Variants in AGAP1 observed in about 807,000 individuals in gnomAD.
The protein encoded by AGAP1 is ArfGAP with GTPase domain, ankyrin repeat and PH domain 1.
Under a neutral mutation model 105.3 loss-of-function variants are expected in AGAP1, and 29 were observed. That is an observed-to-expected ratio of 0.28 (90% CI 0.21 to 0.38). AGAP1 has a LOEUF of 0.38. Ranked by LOEUF, AGAP1 falls within the 10% of genes least tolerant of loss-of-function variation. AGAP1 has a pLI of 1.00. For synonymous variants in AGAP1, 509 were observed against 485.9 expected, an observed-to-expected ratio of 1.05 and a Z score of -0.63; for missense variants, 998 against 1,165.1, an observed-to-expected ratio of 0.86 and a Z score of 2.09.
intron 1 of AGAP1, among the ~76,000 whole-genome samples, chr2:235,511,892 G>GTGTGTGTGAA (rs1233851975): frequency 1.3e-5 from 2 of 151,578 alleles, no homozygotes; most frequent in Admixed American, 6.6e-5. Context: ...GTGTGTGAAT[G>GTGTGTGTGAA]TGAGTGTGAA....
chr2:235,950,782 C>G (rs959315019), intron 12 of AGAP1, among the ~76,000 whole-genome samples: 2 of 152,034 alleles, frequency 1.3e-5, no homozygotes, highest in Non-Finnish European at 2.9e-5. Context: ...GCAATTTTCC[C>G]TAAAGATCAA....
intron 11 of AGAP1, among the ~76,000 whole-genome samples, chr2:235,917,382 C>T (rs1346437543): frequency 6.6e-6 from 1 of 152,146 alleles, no homozygotes; most frequent in Non-Finnish European, 1.5e-5. Context: ...AAACTAATAG[C>T]ATGAATATTC....
At chr2:236,075,309 A>C (rs1427585930) in intron 16 of AGAP1, among the ~76,000 whole-genome samples, 8 of 152,146 alleles carry the variant, frequency 5.3e-5, no homozygotes, top group African/African-American at 1.4e-4. Flanking sequence ...ATTTTATGAT[A>C]TGTAAATTAT....
At chr2:235,806,538 T>C (rs12465465) in intron 8 of AGAP1, among the ~76,000 whole-genome samples, 35,849 of 151,954 alleles carry the variant, frequency 0.24, 5,140 homozygotes, top group Admixed American at 0.4. Context: ...CAGCCACTCG[T>C]CGTCCGCAGC....
chr2:235,748,774 G>A (rs1018700195), intron 5 of AGAP1, among the ~76,000 whole-genome samples: 1 of 152,218 alleles, frequency 6.6e-6, no homozygotes, highest in Non-Finnish European at 1.5e-5. Flanking sequence ...TGTCAAAGGT[G>A]GTCGCTCTGT....
At chr2:235,576,042 G>A (rs889230404) in intron 1 of AGAP1, among the ~76,000 whole-genome samples, 4 of 152,126 alleles carry the variant, frequency 2.6e-5, no homozygotes, top group African/African-American at 7.2e-5. Context: ...GTCACTGTCC[G>A]TGCACAGCCT....
At position 235,749,210 on chromosome 2, in the gene AGAP1, TA is replaced by T. The variant is rs1553621045; in HGVS notation, c.539-1135del. Reference sequence around the variant, plus strand: ...GCGACACAGTGAGACTCCATCTCATTAAAAAAAAAGAAAAAAAAAGCTGTCT... The same window carrying T: ...GCGACACAGTGAGACTCCATCTCATTAAAAAAAAGAAAAAAAAAGCTGTCT... On this transcript the variant is annotated intron_variant, in intron 5 of 17. Transcript: ENST00000304032. Among the ~76,000 whole-genome samples, 25 of 148,862 alleles carry T rather than the reference TA, an allele frequency of 1.7e-4. 1 individual carries two copies. The East Asian group carries it at 4.9e-3, about 29-fold the overall frequency.
intron 9 of AGAP1, among the ~76,000 whole-genome samples, chr2:235,831,558 G>A (rs529304333): frequency 6.6e-6 from 1 of 152,328 alleles, no homozygotes; most frequent in South Asian, 2.1e-4. Flanking sequence ...GAGTTGGAAT[G>A]ATAGAGGTGT....
chr2:236,075,109 C>T (rs1029465300), intron 16 of AGAP1, among the ~76,000 whole-genome samples: 1 of 152,030 alleles, frequency 6.6e-6, no homozygotes, highest in South Asian at 2.1e-4. Flanking sequence ...GTTTACATGG[C>T]GTCTCAGAAA....
At chr2:235,818,600 G>T (rs1367972205) in intron 9 of AGAP1, among the ~76,000 whole-genome samples, 1 of 152,168 alleles carries the variant, frequency 6.6e-6, no homozygotes, top group Non-Finnish European at 1.5e-5. Flanking sequence ...GGGCCACCAT[G>T]CCCAGCTACG....
chr2:235,506,165 A>G (rs1433875641), intron 1 of AGAP1, among the ~76,000 whole-genome samples: 1 of 152,062 alleles, frequency 6.6e-6, no homozygotes, highest in East Asian at 1.9e-4. Flanking sequence ...TCCTGACCTC[A>G]GGTGATCTAC....
At chr2:235,998,340 G>A (rs938317793) in intron 13 of AGAP1, among the ~76,000 whole-genome samples, 4 of 152,196 alleles carry the variant, frequency 2.6e-5, no homozygotes, top group Admixed American at 2.0e-4. Flanking sequence ...AAGGGCTAAA[G>A]ATGACCTGAG....
chr2:235,751,501 T>C lies in AGAP1; in HGVS notation c.673+1013T>C, dbSNP rs10186429. 0.022 allele frequency among the ~76,000 whole-genome samples: 3,342 copies of C among 152,234 alleles called. 105 individuals carry two copies. Among genetic ancestry groups the C allele is most frequent in the African/African-American group, 0.069 (2,884 of 41,532 alleles). On this transcript the variant is annotated intron_variant, in intron 6 of 17. Coordinates refer to ENST00000304032, the MANE Select transcript of AGAP1 (RefSeq NM_001037131.3). The surrounding 1 kb of genome is among the most constrained non-coding windows in gnomAD (Gnocchi z 5.3). ...ATGGAGGACTCGCCGCGCTCTGACC[T>C]TGAAGACCCACGGTGAAAGCAGTGG...
In AGAP1 at chr2:235,872,886, C is replaced by T. The variant is rs903662611; in HGVS notation, c.1051-10459C>T. Among the ~76,000 whole-genome samples the T allele has an allele frequency of 6.6e-6, 1 of 152,164 alleles. No individual in the cohort carries two copies. The highest frequency in any genetic ancestry group is 2.4e-5 in the African/African-American group (1 of 41,446). On this transcript the variant is annotated intron_variant, in intron 9 of 17. Coordinates refer to ENST00000304032, the MANE Select transcript of AGAP1 (RefSeq NM_001037131.3). The surrounding 1 kb of genome is among the most constrained non-coding windows in gnomAD (Gnocchi z 4.5). ...GGGAAGAGTGTGGACTAAGAAGGGG[C>T]TTGGCTTGTGTTGCCACATGTGAGA...
intron 1 of AGAP1, among the ~76,000 whole-genome samples, chr2:235,707,892 A>G (rs73124502): frequency 0.079 from 11,506 of 144,874 alleles, 1,415 homozygotes; most frequent in African/African-American, 0.27. Flanking sequence ...TGACCTGGTG[A>G]GATGCACTCC....
chr2:236,130,480 A>T lies in AGAP1; in HGVS notation c.*6358A>T, dbSNP rs2060068437. ...CCCCCTTAACACACCAGCTGTTGGGAACAGCTGCCCCTAAATCCAATTAAA... is the reference window on the plus strand; with the variant it reads ...CCCCCTTAACACACCAGCTGTTGGGTACAGCTGCCCCTAAATCCAATTAAA... On this transcript the variant is annotated 3_prime_UTR_variant, in exon 18 of 18. Coordinates refer to ENST00000304032, the MANE Select transcript of AGAP1 (RefSeq NM_001037131.3). The surrounding 1 kb of genome is among the most constrained non-coding windows in gnomAD (Gnocchi z 5.8). The T allele has an allele frequency of 1.3e-5, 2 of 152,180 alleles. No homozygotes were observed. The highest frequency in any genetic ancestry group is 4.1e-4 in the South Asian group (2 of 4,822). 9.4% of individuals were successfully genotyped at this position (152,180 alleles called of 1,614,324 possible).
At position 235,582,165 on chromosome 2, in the gene AGAP1, C is replaced by T. The variant is rs140467447; in HGVS notation, c.163+87316C>T. Among the ~76,000 whole-genome samples the T allele has an allele frequency of 1.6e-3, 236 of 152,238 alleles. No homozygotes were observed. The highest frequency in any genetic ancestry group is 5.5e-3 in the African/African-American group (227 of 41,536). On this transcript the variant is annotated intron_variant, in intron 1 of 17. Coordinates refer to ENST00000304032, the MANE Select transcript of AGAP1 (RefSeq NM_001037131.3). The surrounding 1 kb of genome is among the most constrained non-coding windows in gnomAD (Gnocchi z 4.7). ...GAGACCCCTGGATCCTAGTGGTGGCCCCTGGTCACCAGATGTGAGCCCTGG... is the reference window on the plus strand; with the variant it reads ...GAGACCCCTGGATCCTAGTGGTGGCTCCTGGTCACCAGATGTGAGCCCTGG...
chr2:235,985,573 A>G (rs1254581542), intron 13 of AGAP1, among the ~76,000 whole-genome samples: 1 of 152,080 alleles, frequency 6.6e-6, no homozygotes, highest in Non-Finnish European at 1.5e-5. Flanking sequence ...TAGAGTTTTT[A>G]TGGTTTGGGT....
rs1951007297 is a variant in AGAP1 at position 235,714,627 on chromosome 2, CTGA to C, written c.223-2926_223-2924del. ...ATAGGTTTTAGAAAGGCCACTCTGG[CTGA>C]TGAGTAGAGAGTGGGAGCGGCCAGG... On this transcript the variant is annotated intron_variant, in intron 2 of 17. Transcript: ENST00000304032. This position sits in a 1 kb window ranked among gnomAD's most constrained non-coding sequence, Gnocchi z 4.1. Among the ~76,000 whole-genome samples, 1 of 151,900 alleles carries C rather than the reference CTGA, an allele frequency of 6.6e-6. No individual in the cohort carries two copies. Among genetic ancestry groups the C allele is most frequent in the Admixed American group, 6.6e-5 (1 of 15,242 alleles).
Sources: gnomAD v4.1 joint callset for allele counts (sites outside exome capture counted in the v4.1 genomes callset) on GRCh38, gnomAD v4.1.1 for gene constraint, Gnocchi (gnomAD v3.1) non-coding constraint, MANE v1.5 for transcripts, NCBI Gene and HGNC (gene_info 2026-07-23, HGNC 2026-07-21) for gene names.